The following CCNY variants were observed in gnomAD, a reference collection of about 807,000 sequenced individuals.
CCNY encodes cyclin Y.
CCNY carries 19 observed loss-of-function variants against 42.8 expected under a neutral mutation model. The ratio of observed to expected loss-of-function variants is 0.44; its 90% CI spans 0.31 to 0.65. The LOEUF (loss-of-function observed/expected upper bound fraction) is 0.65, where lower values mean the gene tolerates loss of function less well. CCNY is among the 30% of genes least tolerant of loss of function. The pLI is 0.07. For synonymous variants in CCNY, 165 were observed against 162.7 expected, an observed-to-expected ratio of 1.01 and a Z score of -0.11; for missense variants, 370 against 437.3, an observed-to-expected ratio of 0.85 and a Z score of 1.37.
intron 3 of CCNY, among the ~76,000 whole-genome samples, chr10:35,321,890 T>C (rs1835826260): frequency 6.6e-6 from 1 of 152,208 alleles, no homozygotes; most frequent in Non-Finnish European, 1.5e-5. Context: ...CGCATGTCTA[T>C]GGGCAAGTAA....
At chr10:35,395,130 G>C (rs919806300) in intron 1 of CCNY, among the ~76,000 whole-genome samples, 2 of 152,196 alleles carry the variant, frequency 1.3e-5, no homozygotes, top group Non-Finnish European at 2.9e-5. Flanking sequence ...GACTCAGACA[G>C]GTGACTCCCT....
intron 3 of CCNY, among the ~76,000 whole-genome samples, chr10:35,291,389 A>G (rs1180066257): frequency 6.6e-6 from 1 of 152,008 alleles, no homozygotes; most frequent in Non-Finnish European, 1.5e-5. Flanking sequence ...TTAGTACATT[A>G]TTTCTTTTTA....
chr10:35,254,934 T>C (rs899227725), intron 3 of CCNY, among the ~76,000 whole-genome samples: 1 of 152,122 alleles, frequency 6.6e-6, no homozygotes, highest in African/African-American at 2.4e-5. Flanking sequence ...TTCCTACCTT[T>C]ATTCCATTGT....
chr10:35,487,177 C>T (rs948921380), intron 2 of CCNY, among the ~76,000 whole-genome samples: 1 of 152,170 alleles, frequency 6.6e-6, no homozygotes, highest in Non-Finnish European at 1.5e-5. Context: ...TACAAGACCA[C>T]AACTGTGGGT....
At chr10:35,285,447 C>G (rs1338410962) in intron 3 of CCNY, among the ~76,000 whole-genome samples, 1 of 152,132 alleles carries the variant, frequency 6.6e-6, no homozygotes, top group African/African-American at 2.4e-5. Flanking sequence ...TATGTTGAGA[C>G]AGGGTCTTGC....
chr10:35,494,859 C>G (rs983770549), intron 2 of CCNY, among the ~76,000 whole-genome samples: 37 of 152,286 alleles, frequency 2.4e-4, no homozygotes, highest in African/African-American at 8.2e-4. Context: ...AAAAGAGACT[C>G]AAAGGATACA....
intron 1 of CCNY, among the ~76,000 whole-genome samples, chr10:35,338,013 A>G (rs1836088296): frequency 6.6e-6 from 1 of 152,232 alleles, no homozygotes; most frequent in African/African-American, 2.4e-5. Flanking sequence ...TTGCTCAGTG[A>G]TAACGACAGA....
chr10:35,455,556 G>C (rs1341662786), intron 1 of CCNY: 1 of 152,166 alleles, frequency 6.6e-6, no homozygotes, highest in Admixed American at 6.5e-5. Flanking sequence ...CTGAGTTTTA[G>C]TTTCCTCAAG....
At chr10:35,449,010 G>T (rs1838854520) in intron 1 of CCNY, among the ~76,000 whole-genome samples, 2 of 151,966 alleles carry the variant, frequency 1.3e-5, no homozygotes. Context: ...AGGCCTTGAA[G>T]GGTGGAGTTG....
chr10:35,389,246 C>A lies in CCNY; in HGVS notation c.154+52039C>A, dbSNP rs532565573. 1.2e-3 allele frequency among the ~76,000 whole-genome samples: 188 copies of A among 152,210 alleles called. 2 individuals carry two copies. Among genetic ancestry groups the A allele is most frequent in the Non-Finnish European group, 2.1e-3 (141 of 68,026 alleles). ...TTTATTGCTGCTACTACTACTACTG[C>A]TACTACTACTGTAGTCTACTACATT... On this transcript the variant is annotated intron_variant, in intron 1 of 9. Transcript: ENST00000374704.
chr10:35,519,853 A>G (rs770930325), intron 4 of CCNY, among the ~76,000 whole-genome samples: 8 of 127,078 alleles, frequency 6.3e-5, no homozygotes, highest in Non-Finnish European at 1.2e-4. Flanking sequence ...ATCTCAGCTC[A>G]CTGTAACTCC....
At chr10:35,280,627 T>G (rs1455535401) in intron 3 of CCNY, among the ~76,000 whole-genome samples, 1 of 152,144 alleles carries the variant, frequency 6.6e-6, no homozygotes, top group Non-Finnish European at 1.5e-5. Context: ...AAATATTAAA[T>G]GTAGGAGCCC....
chr10:35,566,316 A>G, intron 9 of CCNY, 131 bp downstream of exon 9: 1 of 922,476 alleles, frequency 1.1e-6, no homozygotes, highest in African/African-American at 1.7e-5. Context: ...CTACTAGGAT[A>G]TATAGCTGGG....
rs181282915 is a variant in CCNY, at chr10:35,342,548, G to A, written c.154+5341G>A. 9.8e-5 allele frequency among the ~76,000 whole-genome samples: 15 copies of A among 152,290 alleles called. No individual in the cohort carries two copies. The East Asian group carries it at 2.5e-3, about 25-fold the overall frequency. ...CTCTTTCACTTAGAATCAGGGAGTC[G>A]TTTGCTTCCACACACCCATTTTACA... On this transcript the variant is annotated intron_variant, in intron 1 of 9. Coordinates refer to ENST00000374704, the MANE Select transcript of CCNY (RefSeq NM_145012.6).
At chr10:35,550,618 A>G (rs946809352) in intron 7 of CCNY, among the ~76,000 whole-genome samples, 2 of 151,858 alleles carry the variant, frequency 1.3e-5, no homozygotes, top group Non-Finnish European at 2.9e-5. Context: ...GTCCAATTTA[A>G]TGTTTTCTTG....
At chr10:35,437,274 C>T (rs1420893394) in intron 1 of CCNY, among the ~76,000 whole-genome samples, 2 of 152,218 alleles carry the variant, frequency 1.3e-5, no homozygotes, top group African/African-American at 2.4e-5. Flanking sequence ...TCTGATGTCA[C>T]ATTTGCTGTG....
chr10:35,554,303 G>A (rs1457112617), intron 8 of CCNY, among the ~76,000 whole-genome samples: 2 of 152,140 alleles, frequency 1.3e-5, no homozygotes, highest in East Asian at 3.9e-4. Flanking sequence ...GCTTGTTTAT[G>A]TTCTTAGGGC....
intron 1 of CCNY, among the ~76,000 whole-genome samples, chr10:35,469,073 G>T (rs1314289683): frequency 6.6e-6 from 1 of 152,164 alleles, no homozygotes. Context: ...GAGTAAAGGG[G>T]GTTAGAATTC....
intron 3 of CCNY, among the ~76,000 whole-genome samples, chr10:35,254,020 C>T (rs559137048): frequency 4.7e-5 from 7 of 149,488 alleles, no homozygotes; most frequent in South Asian, 2.1e-4. Context: ...GGACTACGGG[C>T]GCCCGCCACC....
Sources: allele counts gnomAD v4.1 joint callset (sites outside exome capture counted in the v4.1 genomes callset), GRCh38; gene constraint gnomAD v4.1.1; transcripts MANE v1.5; gene names NCBI Gene and HGNC (gene_info 2026-07-23, HGNC 2026-07-21).